The following PRKCI variants were observed in gnomAD, a reference collection of about 807,000 sequenced individuals.
The protein encoded by PRKCI is protein kinase C iota.
A neutral mutation model predicts 84.0 loss-of-function variants in PRKCI; 43 were observed. That is an observed-to-expected ratio of 0.51 (90% confidence interval 0.40 to 0.66). The LOEUF (loss-of-function observed/expected upper bound fraction) is 0.66, where lower values mean the gene tolerates loss of function less well. PRKCI is among the 30% of genes least tolerant of loss of function. The pLI is 0.00. For missense variants in PRKCI, 459 were observed against 745.6 expected, an observed-to-expected ratio of 0.62 and a Z score of 4.48; for synonymous variants, 216 against 234.4, an observed-to-expected ratio of 0.92 and a Z score of 0.72.
chr3:170,223,027 T>TA lies in PRKCI; in HGVS notation c.101+258dup, dbSNP rs978564733. ...TAGGGTCCGAGAAGGAAGCTAGGGT[T>TA]AGAGTAGGTGCACCTGGTGTGGACG... On this transcript the variant is annotated intron_variant, in intron 1 of 17. Coordinates refer to ENST00000295797, the MANE Select transcript of PRKCI (RefSeq NM_002740.6). Among the ~76,000 whole-genome samples the TA allele has an allele frequency of 4.1e-4, 62 of 152,074 alleles. 2 individuals are homozygous for TA. The highest frequency in any genetic ancestry group is 1.2e-3 in the South Asian group (6 of 4,820).
At chr3:170,289,287 CT>C (rs372664839) in intron 12 of PRKCI, among the ~76,000 whole-genome samples, 49 of 152,228 alleles carry the variant, frequency 3.2e-4, no homozygotes, top group African/African-American at 1.1e-3. Context: ...TATAATATCC[CT>C]TTTAGAAATC....
chr3:170,224,785 A>T (rs1405447355), intron 1 of PRKCI, among the ~76,000 whole-genome samples: 4 of 152,170 alleles, frequency 2.6e-5, no homozygotes, highest in Non-Finnish European at 1.5e-5. Context: ...TGGCTTCCCA[A>T]ATTGCTGGGA....
At chr3:170,237,008 G>A (rs758698161) in intron 2 of PRKCI, among the ~76,000 whole-genome samples, 1 of 152,102 alleles carries the variant, frequency 6.6e-6, no homozygotes, top group Non-Finnish European at 1.5e-5. Context: ...GAACATAAAC[G>A]CATAGGGGCC....
In PRKCI at chr3:170,262,893, G is replaced by A. The variant is rs1471975040; in HGVS notation, c.314-486G>A. ...GCAAATAAAACCTTCTTTTGTGGCCGGGCGCGGTGACTCACGCCTGTAATC... is the reference window on the plus strand; with the variant it reads ...GCAAATAAAACCTTCTTTTGTGGCCAGGCGCGGTGACTCACGCCTGTAATC... On this transcript the variant is annotated intron_variant, in intron 3 of 17. Transcript: ENST00000295797. Among the ~76,000 whole-genome samples the A allele has an allele frequency of 5.4e-5, 8 of 148,510 alleles. No individual in the cohort carries two copies. In the East Asian group the frequency reaches 9.9e-4, roughly 18 times the overall value.
intron 6 of PRKCI, 140 bp from the exon 7 acceptor site, chr3:170,273,141 TAAAAC>T: frequency 3.0e-6 from 2 of 667,798 alleles, no homozygotes; most frequent in Non-Finnish European, 5.1e-6. Context: ...TATAGTTTCA[TAAAAC>T]AAAATTAAAA....
intron 2 of PRKCI, among the ~76,000 whole-genome samples, chr3:170,240,626 T>A (rs2108839529): frequency 6.6e-6 from 1 of 152,344 alleles, no homozygotes; most frequent in Non-Finnish European, 1.5e-5. Context: ...GTCACCTTTG[T>A]TTTTAATCAT....
chr3:170,222,709 G>A lies in PRKCI; in HGVS notation c.40G>A (p.Val14Ile), dbSNP rs770401419. ...GGACAGCAGCACCATGTCCCACACG[G>A]TCGCAGGCGGCGGCAGCGGGGACCA... ...QRDSSTMSHT[V>I]AGGGSGDHSH... Residue 14 changes from valine (V) to isoleucine (I), a missense_variant, in exon 1 of 18, where the codon GTC becomes ATC. Coordinates refer to ENST00000295797, the MANE Select transcript of PRKCI (RefSeq NM_002740.6). The A allele has an allele frequency of 6.2e-7, 1 of 1,610,222 alleles. No homozygotes were observed. The highest frequency in any genetic ancestry group is 2.2e-5 in the East Asian group (1 of 44,730).
chr3:170,303,770 G>A lies in PRKCI; in HGVS notation c.*643G>A, dbSNP rs1164812986. ...CCAGTACTTTGGGAGGTTGAGGCGG[G>A]CAGATCACTTGAGGTCAGGAGTTTG... On this transcript the variant is annotated 3_prime_UTR_variant, in exon 18 of 18. Coordinates refer to ENST00000295797, the MANE Select transcript of PRKCI (RefSeq NM_002740.6). The A allele has an allele frequency of 1.5e-5, 3 of 198,400 alleles. No homozygotes were observed. The highest frequency in any genetic ancestry group is 3.1e-5 in the Non-Finnish European group (3 of 95,892). The allele number at this position is 198,400 out of a possible 1,614,324, so 12.3% of individuals were successfully genotyped here. A position where few individuals can be genotyped will look rare whatever the true frequency, so the allele number is the denominator to read the frequency against.
intron 4 of PRKCI, among the ~76,000 whole-genome samples, chr3:170,266,902 A>G (rs996153799): frequency 1.3e-5 from 2 of 152,104 alleles, no homozygotes; most frequent in African/African-American, 4.8e-5. Flanking sequence ...CCGAGGCAGG[A>G]GAATTGCTTA....
intron 2 of PRKCI, among the ~76,000 whole-genome samples, chr3:170,256,032 A>G (rs182448681): frequency 3.9e-4 from 59 of 152,280 alleles, no homozygotes; most frequent in African/African-American, 1.3e-3. Flanking sequence ...AACAAATTCC[A>G]GTTGGTCATG....
intron 2 of PRKCI, among the ~76,000 whole-genome samples, chr3:170,242,298 C>G (rs1363631571): frequency 3.3e-5 from 5 of 151,216 alleles, no homozygotes; most frequent in Admixed American, 3.3e-4. Flanking sequence ...ATATTAACAG[C>G]CAGGCATAGG....
intron 13 of PRKCI, 103 bp from the exon 14 acceptor site, chr3:170,293,280 A>C: frequency 8.5e-7 from 1 of 1,179,062 alleles, no homozygotes; most frequent in Non-Finnish European, 1.2e-6. Context: ...TTTAGAGTTT[A>C]CTTTTTCATT....
rs1560164810 is a variant in PRKCI at position 170,229,131 on chromosome 3, CGGTATATTT to C, written c.102-6098_102-6090del. 5.3e-5 allele frequency among the ~76,000 whole-genome samples: 8 copies of C among 152,122 alleles called. No homozygotes were observed. In the East Asian group the frequency reaches 1.5e-3, roughly 29 times the overall value. ...CAGTTAGGGATATTCTATATCATAT[CGGTATATTT>C]ATAAGTATAGATATGTATGTGCATA... On this transcript the variant is annotated intron_variant, in intron 1 of 17. Coordinates refer to ENST00000295797, the MANE Select transcript of PRKCI (RefSeq NM_002740.6).
At chr3:170,272,347 T>C (rs1236997093) in intron 6 of PRKCI, among the ~76,000 whole-genome samples, 2 of 152,218 alleles carry the variant, frequency 1.3e-5, no homozygotes, top group African/African-American at 4.8e-5. Context: ...TGTTATTCCA[T>C]GTTTATTCAT....
chr3:170,273,223 G>T, intron 6 of PRKCI, 63 bp from the exon 7 acceptor site: 1 of 1,288,170 alleles, frequency 7.8e-7, no homozygotes, highest in Non-Finnish European at 1.1e-6. Flanking sequence ...TGTTGAAATA[G>T]TGTTATTTCT....
intron 2 of PRKCI, among the ~76,000 whole-genome samples, chr3:170,238,278 A>G (rs141730107): frequency 0.031 from 3,182 of 102,056 alleles, 53 homozygotes; most frequent in East Asian, 0.12. Flanking sequence ...CAGGAGAATC[A>G]CTTGAACCTG....
chr3:170,291,770 CT>C (rs2108864849), intron 12 of PRKCI, 83 bp from the exon 13 acceptor site: 1 of 1,046,084 alleles, frequency 9.6e-7, no homozygotes, highest in African/African-American at 1.6e-5. Flanking sequence ...AGATGCTGAA[CT>C]TATATGATAG....
intron 2 of PRKCI, among the ~76,000 whole-genome samples, chr3:170,254,749 T>C (rs1733540534): frequency 6.6e-6 from 1 of 152,174 alleles, no homozygotes; most frequent in Non-Finnish European, 1.5e-5. Context: ...TTTAAAGGCA[T>C]AGAATGTGAT....
intron 3 of PRKCI, among the ~76,000 whole-genome samples, chr3:170,260,269 G>A (rs1180715643): frequency 6.6e-6 from 1 of 152,100 alleles, no homozygotes; most frequent in Non-Finnish European, 1.5e-5. Context: ...TGTGGTCTCT[G>A]TATGTCTTGT....
Sources: gnomAD v4.1 joint callset for allele counts (sites outside exome capture counted in the v4.1 genomes callset) on GRCh38, gnomAD v4.1.1 for gene constraint, MANE v1.5 for transcripts, NCBI Gene and HGNC (gene_info 2026-07-23, HGNC 2026-07-21) for gene names.